LCORL: variants seen among roughly 807,000 people sequenced by gnomAD.
LCORL encodes ligand-dependent nuclear receptor corepressor-like protein.
In LCORL, 41 loss-of-function variants were observed where a neutral mutation model predicts 141.8. That is an observed-to-expected ratio of 0.29 (90% CI 0.23 to 0.38). The LOEUF (loss-of-function observed/expected upper bound fraction) is 0.38. Ranked by LOEUF, LCORL falls within the 10% of genes least tolerant of loss-of-function variation. LCORL has a pLI of 1.00. For synonymous variants in LCORL, 618 were observed against 694.1 expected (o/e 0.89, Z 1.72); for missense variants, 1,759 against 2,035.0 (o/e 0.86, Z 2.61).
At chr4:17,950,587 G>C (rs1238274244) in intron 4 of LCORL, among the ~76,000 whole-genome samples, 2 of 152,250 alleles carry the variant, frequency 1.3e-5, no homozygotes, top group East Asian at 3.9e-4. Context: ...ATGGAGTACG[G>C]AAGAATCCAG....
At chr4:17,967,725 C>T (rs1233211071) in intron 2 of LCORL, among the ~76,000 whole-genome samples, 1 of 152,164 alleles carries the variant, frequency 6.6e-6, no homozygotes, top group Non-Finnish European at 1.5e-5. Context: ...CTTTGTATTA[C>T]AAGCATTATG....
intron 6 of LCORL, chr4:17,883,673 A>ACAC: frequency 2.3e-6 from 3 of 1,315,906 alleles, no homozygotes; most frequent in Non-Finnish European, 3.0e-6. Context: ...CACACACGCA[A>ACAC]ACACACACAC....
intron 4 of LCORL, among the ~76,000 whole-genome samples, chr4:17,952,241 G>C (rs1305990903): frequency 6.6e-6 from 1 of 151,854 alleles, no homozygotes; most frequent in African/African-American, 2.4e-5. Flanking sequence ...CAAAAAACAG[G>C]GCCCCAAATA....
chr4:17,883,832 G>A, intron 6 of LCORL: 1 of 1,550,540 alleles, frequency 6.4e-7, no homozygotes, highest in Non-Finnish European at 8.7e-7. Flanking sequence ...CAGTGTTCCA[G>A]ATCTTTCTTT....
In LCORL at chr4:17,973,989, G is replaced by A. The variant is rs562953723; in HGVS notation, c.155-1104C>T. Among the ~76,000 whole-genome samples the A allele has an allele frequency of 1.4e-4, 22 of 152,116 alleles. No homozygotes were observed. The South Asian group carries it at 2.9e-3, about 20-fold the overall frequency. On this transcript the variant is annotated intron_variant, in intron 1 of 7. Coordinates refer to ENST00000635767, the Ensembl canonical transcript of LCORL. ...AATGAAATAAAATCTTCTGTGAAAT[G>A]ACAGTACTAGTTCCCATGAGTAGAA...
chr4:18,006,869 A>AT (rs1198175408), intron 1 of LCORL, among the ~76,000 whole-genome samples: 1 of 152,198 alleles, frequency 6.6e-6, no homozygotes, highest in Non-Finnish European at 1.5e-5. Flanking sequence ...ATTATATGAA[A>AT]ATACAATGCT....
exon 5 of LCORL, chr4:17,909,280 G>T (rs778492019): frequency 1.9e-6 from 3 of 1,609,986 alleles, no homozygotes; most frequent in Non-Finnish European, 1.7e-6. Context: ...GCAAATTGAC[G>T]TATCATCTTT....
chr4:17,844,184 CT>C (rs1373936608), exon 8 of LCORL: 2 of 152,104 alleles, frequency 1.3e-5, no homozygotes, highest in Admixed American at 6.6e-5. Flanking sequence ...GTGACAGGAA[CT>C]TCTCTTTATA....
At chr4:17,872,937 T>G (rs1726527441) in intron 7 of LCORL, among the ~76,000 whole-genome samples, 1 of 152,090 alleles carries the variant, frequency 6.6e-6, no homozygotes, top group Non-Finnish European at 1.5e-5. Flanking sequence ...TAACAGATAG[T>G]CTTTACTTTT....
chr4:17,891,804 A>G (rs1577343069), intron 5 of LCORL, among the ~76,000 whole-genome samples: 2 of 152,354 alleles, frequency 1.3e-5, no homozygotes, highest in South Asian at 2.1e-4. Context: ...CTGTGGAAGT[A>G]AATATACAAA....
intron 7 of LCORL, among the ~76,000 whole-genome samples, chr4:17,858,323 GA>G (rs201799196): frequency 0.12 from 18,054 of 145,302 alleles, 1,173 homozygotes; most frequent in South Asian, 0.25. Flanking sequence ...ATAAGGAGAG[GA>G]AAAAAAAAAA....
At chr4:17,905,201 C>G (rs1411320146) in intron 5 of LCORL, among the ~76,000 whole-genome samples, 3 of 151,950 alleles carry the variant, frequency 2.0e-5, no homozygotes, top group Non-Finnish European at 4.4e-5. Context: ...TTTGTGTTAT[C>G]TTTTATTTTA....
chr4:17,918,200 A>G (rs937121201), intron 4 of LCORL, among the ~76,000 whole-genome samples: 2 of 152,248 alleles, frequency 1.3e-5, no homozygotes, highest in African/African-American at 4.8e-5. Flanking sequence ...TAAACAAAGA[A>G]TAACAACAAT....
At chr4:17,999,216 G>A (rs1721511860) in intron 1 of LCORL, among the ~76,000 whole-genome samples, 1 of 64,372 alleles carries the variant, frequency 1.6e-5, no homozygotes, top group Non-Finnish European at 3.3e-5. Flanking sequence ...CACTTTGGGA[G>A]GCCGAGGCGG....
rs34278178 is a variant in LCORL at position 17,843,892 on chromosome 4, T to TATCA, written c.*1992_*1995dup. On this transcript the variant is annotated 3_prime_UTR_variant, in exon 8 of 8. Transcript: ENST00000635767. ...ACCACAAACTGGCTAGAAAGGAGCT[T>TATCA]ATCAATCACCAGTGAGGAAGACCAG... The TATCA allele has an allele frequency of 4.6e-3, 703 of 153,082 alleles. 1 individual carries two copies. The highest frequency in any genetic ancestry group is 0.01 in the Middle Eastern group (3 of 294). The allele number at this position is 153,082 out of a possible 1,614,324, so 9.5% of individuals were successfully genotyped here.
intron 7 of LCORL, among the ~76,000 whole-genome samples, chr4:17,852,377 G>A (rs1009735003): frequency 1.2e-4 from 18 of 151,554 alleles, no homozygotes; most frequent in African/African-American, 4.1e-4. Flanking sequence ...TTAACCTCTT[G>A]CCTCATTTTC....
intron 7 of LCORL, among the ~76,000 whole-genome samples, chr4:17,858,595 G>C (rs537884486): frequency 1.6e-4 from 25 of 151,810 alleles, no homozygotes; most frequent in African/African-American, 5.5e-4. Context: ...AGGCATGGTG[G>C]GGCATGCCTG....
chr4:17,893,457 A>T, intron 5 of LCORL: 2 of 985,356 alleles, frequency 2.0e-6, no homozygotes, highest in Non-Finnish European at 2.4e-6. Context: ...CAAACAGTTT[A>T]CAGAGGATAT....
intron 1 of LCORL, among the ~76,000 whole-genome samples, chr4:18,001,122 G>A (rs1478434895): frequency 1.3e-5 from 2 of 152,142 alleles, no homozygotes; most frequent in African/African-American, 4.8e-5. Flanking sequence ...AGTGAGCTAT[G>A]ACAGCACCAC....
Sources: allele counts gnomAD v4.1 joint callset (sites outside exome capture counted in the v4.1 genomes callset), GRCh38; gene constraint gnomAD v4.1.1; transcripts MANE v1.5; gene names NCBI Gene and HGNC (gene_info 2026-07-23, HGNC 2026-07-21).